MAMLD1: variants seen among roughly 807,000 people sequenced by gnomAD.
MAMLD1 encodes the protein mastermind-like domain-containing protein 1.
In MAMLD1, 14 loss-of-function variants were observed where a neutral mutation model predicts 45.0. That is an observed-to-expected ratio of 0.31 (90% CI 0.21 to 0.49). The LOEUF (loss-of-function observed/expected upper bound fraction) is 0.49. Ranked by LOEUF, MAMLD1 falls within the 20% of genes least tolerant of loss-of-function variation. The probability of loss-of-function intolerance (pLI) is 0.99; values close to 1 mark genes in which losing one functional copy is unlikely to be tolerated. For synonymous variants in MAMLD1, 254 were observed against 247.8 expected (o/e 1.02, Z -0.24); for missense variants, 543 against 603.6 (o/e 0.90, Z 1.05).
At chrX:150,445,433 T>A in intron 1 of MAMLD1, 21 bp from the exon 2 acceptor site, 1 of 631,858 alleles carries the variant, frequency 1.6e-6, no homozygotes, top group Non-Finnish European at 2.7e-6. Flanking sequence ...TGAAAGACAG[T>A]GTACTTTTTG....
At chrX:150,495,708 C>T (rs2037355542) in intron 5 of MAMLD1, among the ~76,000 whole-genome samples, 1 of 112,404 alleles carries the variant, frequency 8.9e-6, no homozygotes, top group Non-Finnish European at 1.9e-5. Flanking sequence ...AGAGATCTGC[C>T]TGCTCCTTAA....
rs797035835 is a variant in MAMLD1 at position 150,456,273 on chromosome X, A to G, written c.97-6499A>G. On this transcript the variant is annotated intron_variant, in intron 2 of 7. Transcript: ENST00000370401. Reference sequence around the variant, plus strand: ...GCTGAACTCTGGAGTCCTGAGTGCCAAGCTCTTCTCTGCCACTATCTATAT... The same window carrying G: ...GCTGAACTCTGGAGTCCTGAGTGCCGAGCTCTTCTCTGCCACTATCTATAT... 3.6e-5 allele frequency among the ~76,000 whole-genome samples: 4 copies of G among 110,253 alleles called. No individual in the cohort carries two copies. The Admixed American group carries it at 3.9e-4, about 11-fold the overall frequency.
intron 5 of MAMLD1, among the ~76,000 whole-genome samples, chrX:150,486,680 C>T (rs1433562869): frequency 8.9e-5 from 10 of 111,964 alleles, no homozygotes; most frequent in South Asian, 7.4e-4. Context: ...AACTCCAATC[C>T]GGAAACCCTA....
intron 1 of MAMLD1, among the ~76,000 whole-genome samples, chrX:150,407,114 T>C (rs1208286706): frequency 9.0e-6 from 1 of 111,169 alleles, no homozygotes; most frequent in Non-Finnish European, 1.9e-5. Flanking sequence ...AATGACCCCA[T>C]CTCAGGAAAA....
chrX:150,422,790 A>G (rs1439867017), intron 1 of MAMLD1, among the ~76,000 whole-genome samples: 2 of 111,904 alleles, frequency 1.8e-5, no homozygotes, highest in Non-Finnish European at 3.8e-5. Context: ...GCTATAAAAA[A>G]GGAGGAGAAC....
chrX:150,398,565 G>A lies in MAMLD1; in HGVS notation c.-64+35035G>A, dbSNP rs138359811. ...CTGTCAGTGATAGTAATTACCCTGG[G>A]GTACTCTCAGTGTGGACTCAATAAT... On this transcript the variant is annotated intron_variant, in intron 1 of 7. Coordinates refer to ENST00000370401, the MANE Select transcript of MAMLD1 (RefSeq NM_005491.5). 3.5e-3 allele frequency among the ~76,000 whole-genome samples: 385 copies of A among 111,166 alleles called. 3 individuals are homozygous for A. The highest frequency in any genetic ancestry group is 0.012 in the African/African-American group (370 of 30,571).
intron 1 of MAMLD1, among the ~76,000 whole-genome samples, chrX:150,385,720 G>A (rs916809129): frequency 9.0e-6 from 1 of 110,970 alleles, no homozygotes; most frequent in Non-Finnish European, 1.9e-5. Flanking sequence ...AGGCAGGAGA[G>A]GCAGGCCCAC....
chrX:150,403,764 C>T (rs1244900792), intron 1 of MAMLD1, among the ~76,000 whole-genome samples: 4 of 103,734 alleles, frequency 3.9e-5, no homozygotes, highest in Non-Finnish European at 7.8e-5. Context: ...GTGATAGTGC[C>T]ACTGCACTCC....
At chrX:150,425,435 T>A (rs781894205) in intron 1 of MAMLD1, among the ~76,000 whole-genome samples, 2 of 112,845 alleles carry the variant, frequency 1.8e-5, no homozygotes, top group South Asian at 7.3e-4. Flanking sequence ...GATATATCTA[T>A]TAGCACAAGG....
chrX:150,402,546 G>A (rs1557402479), intron 1 of MAMLD1, among the ~76,000 whole-genome samples: 3 of 111,773 alleles, frequency 2.7e-5, no homozygotes, highest in Non-Finnish European at 3.8e-5. Context: ...TAGAAATACC[G>A]TTTGACCCAG....
chrX:150,431,769 C>T (rs1174801459), intron 1 of MAMLD1, among the ~76,000 whole-genome samples: 6 of 108,946 alleles, frequency 5.5e-5, no homozygotes, highest in African/African-American at 1.0e-4. Flanking sequence ...TTTACAGCTG[C>T]ATGGTATTTC....
intron 2 of MAMLD1, 93 bp from the exon 3 acceptor site, chrX:150,462,679 A>C: frequency 1.7e-6 from 1 of 604,509 alleles, no homozygotes; most frequent in Non-Finnish European, 2.9e-6. Flanking sequence ...TTCAAGTAAC[A>C]GTCTGATCTG....
chrX:150,363,013 G>C (rs781917254), upstream of MAMLD1: 1 of 113,108 alleles, frequency 8.8e-6, no homozygotes, highest in Admixed American at 9.2e-5. Flanking sequence ...AAAGACTGGT[G>C]GGAGGGCCCG....
chrX:150,499,609 G>A (rs1557408445), intron 5 of MAMLD1, among the ~76,000 whole-genome samples: 1 of 111,336 alleles, frequency 9.0e-6, no homozygotes, highest in Non-Finnish European at 1.9e-5. Flanking sequence ...CAGAGGAGGA[G>A]CCCATGCATT....
At chrX:150,444,565 C>G (rs2035427280) in intron 1 of MAMLD1, among the ~76,000 whole-genome samples, 1 of 111,207 alleles carries the variant, frequency 9.0e-6, no homozygotes, top group African/African-American at 3.3e-5. Flanking sequence ...TATATAATGC[C>G]CAGAGGTTTT....
intron 5 of MAMLD1, among the ~76,000 whole-genome samples, chrX:150,493,825 T>G (rs1348226810): frequency 1.8e-5 from 2 of 112,413 alleles, no homozygotes; most frequent in Non-Finnish European, 3.7e-5. Context: ...GAGTAATATG[T>G]GCTCTTTGTA....
At chrX:150,465,016 C>T (rs1271390706) in intron 3 of MAMLD1, among the ~76,000 whole-genome samples, 1 of 112,136 alleles carries the variant, frequency 8.9e-6, no homozygotes, top group Admixed American at 9.4e-5. Context: ...CCAGGGCCTA[C>T]AAGCCCAGTG....
In MAMLD1 at chrX:150,485,628, G is replaced by T. The variant is rs185637109; in HGVS notation, c.2040+11826G>T. Among the ~76,000 whole-genome samples, 11 of 111,988 alleles carry T rather than the reference G, an allele frequency of 9.8e-5. No homozygotes were observed. In the East Asian group the frequency reaches 3.1e-3, roughly 31 times the overall value. On this transcript the variant is annotated intron_variant, in intron 5 of 7. Coordinates refer to ENST00000370401, the MANE Select transcript of MAMLD1 (RefSeq NM_005491.5). Reference sequence around the variant, plus strand: ...ACATATTCTAGTTTGCATCAGAATTGAATATGACCCAGAAATTCTTAATGT... The same window carrying T: ...ACATATTCTAGTTTGCATCAGAATTTAATATGACCCAGAAATTCTTAATGT...
At chrX:150,484,972 A>T (rs1234678286) in intron 5 of MAMLD1, among the ~76,000 whole-genome samples, 1 of 111,582 alleles carries the variant, frequency 9.0e-6, no homozygotes, top group East Asian at 2.8e-4. Flanking sequence ...CTTTGCCCCT[A>T]TCTTGGCTGC....
Sources: allele counts gnomAD v4.1 joint callset (sites outside exome capture counted in the v4.1 genomes callset), GRCh38; gene constraint gnomAD v4.1.1; transcripts MANE v1.5; gene names NCBI Gene and HGNC (gene_info 2026-07-23, HGNC 2026-07-21).